Variants in CCDC38 observed in about 807,000 individuals in gnomAD.
CCDC38 encodes coiled-coil domain containing 38.
A neutral mutation model predicts 72.8 loss-of-function variants in CCDC38; 69 were observed. That is an observed-to-expected ratio of 0.95 (90% confidence interval 0.78 to 1.16). The LOEUF (loss-of-function observed/expected upper bound fraction) is 1.16, where lower values mean the gene tolerates loss of function less well. Among genes scored for constraint, CCDC38 ranks in the 50% most tolerant of loss-of-function variants. The pLI is 0.00. For missense variants in CCDC38, 626 were observed against 638.9 expected (o/e 0.98, Z 0.22); for synonymous variants, 201 against 213.2 (o/e 0.94, Z 0.50).
At chr12:95,897,982 G>C (rs1259347542) in intron 7 of CCDC38, among the ~76,000 whole-genome samples, 1 of 152,054 alleles carries the variant, frequency 6.6e-6, no homozygotes, top group Non-Finnish European at 1.5e-5. Context: ...CGTAGAATGA[G>C]TCCCAATTTC....
chr12:95,892,710 C>T (rs1159864234), intron 8 of CCDC38, among the ~76,000 whole-genome samples: 17 of 151,510 alleles, frequency 1.1e-4, no homozygotes, highest in Admixed American at 9.9e-4. Flanking sequence ...GTTGGGATTA[C>T]AGGCATGCGC....
At chr12:95,904,894 A>G (rs541081926) in intron 5 of CCDC38, among the ~76,000 whole-genome samples, 4 of 152,208 alleles carry the variant, frequency 2.6e-5, no homozygotes, top group Non-Finnish European at 5.9e-5. Flanking sequence ...GGAAGTCAAG[A>G]GCAAAGGCCA....
At chr12:95,873,561 G>A (rs2079604401) in intron 13 of CCDC38, among the ~76,000 whole-genome samples, 2 of 152,172 alleles carry the variant, frequency 1.3e-5, no homozygotes, top group African/African-American at 2.4e-5. Flanking sequence ...TCTCAGGACC[G>A]TAAGAAAATT....
At chr12:95,930,104 C>T (rs1013118516) in intron 2 of CCDC38, among the ~76,000 whole-genome samples, 6 of 152,106 alleles carry the variant, frequency 3.9e-5, no homozygotes, top group African/African-American at 1.4e-4. Flanking sequence ...TCCCAGTTTC[C>T]AGAGGTTAGA....
intron 4 of CCDC38, among the ~76,000 whole-genome samples, chr12:95,910,640 T>C (rs924113085): frequency 2.6e-5 from 4 of 152,192 alleles, no homozygotes; most frequent in African/African-American, 9.7e-5. Context: ...GGTGGGAGGA[T>C]TGCTTGAGGC....
intron 8 of CCDC38, among the ~76,000 whole-genome samples, chr12:95,892,278 CTTT>C (rs774500212): frequency 1.3e-5 from 1 of 75,978 alleles, no homozygotes. Flanking sequence ...TTATTACAAT[CTTT>C]TTTTTTTTTT....
At chr12:95,940,351 T>C (rs1011604354) in intron 1 of CCDC38, among the ~76,000 whole-genome samples, 2 of 152,170 alleles carry the variant, frequency 1.3e-5, no homozygotes, top group African/African-American at 4.8e-5. Context: ...TGGGATTTGA[T>C]AAGGCCCAGT....
chr12:95,893,260 C>A (rs575288828), intron 8 of CCDC38, among the ~76,000 whole-genome samples: 29 of 148,498 alleles, frequency 2.0e-4, no homozygotes, highest in African/African-American at 7.3e-4. Context: ...TTGTTGTTTT[C>A]TTAGACTTAA....
chr12:95,890,908 GT>G lies in CCDC38; in HGVS notation c.794del (p.Asn265ThrfsTer33). On this transcript the variant is annotated frameshift_variant, in exon 9 of 16. Coordinates refer to ENST00000344280, the MANE Select transcript of CCDC38 (RefSeq NM_182496.3). LOFTEE classifies it high-confidence loss of function. ...CGGACTCCTCAAGGATGCCTTCCTT[GT>G]TACTTGAATGTAATGATAATTCTAG... ...ILAKLSLHSSNKEGILEESGR... is the reference protein window; with the variant it reads ...ILAKLSLHSSXKEGILEESGR... 6.3e-7 allele frequency: 1 copy of G among 1,597,054 alleles called. No homozygotes were observed. Among genetic ancestry groups the G allele is most frequent in the Non-Finnish European group, 8.6e-7 (1 of 1,167,772 alleles).
intron 8 of CCDC38, among the ~76,000 whole-genome samples, chr12:95,892,278 CTTTTT>C (rs774500212): frequency 3.9e-5 from 3 of 76,010 alleles, no homozygotes; most frequent in African/African-American, 1.8e-4. Flanking sequence ...TTATTACAAT[CTTTTT>C]TTTTTTTTTT....
chr12:95,898,053 T>C (rs1170513744), intron 7 of CCDC38, among the ~76,000 whole-genome samples: 1 of 152,186 alleles, frequency 6.6e-6, no homozygotes. Context: ...GCAACCAGAC[T>C]AAACTAAAAA....
At chr12:95,918,805 T>C in intron 3 of CCDC38, 71 bp downstream of exon 3, 1 of 1,053,754 alleles carries the variant, frequency 9.5e-7, no homozygotes, top group Non-Finnish European at 1.5e-6. Flanking sequence ...CCCAGCAAAG[T>C]TCATAAGAGC....
chr12:95,920,556 A>T (rs142360221), intron 2 of CCDC38, among the ~76,000 whole-genome samples: 3 of 152,358 alleles, frequency 2.0e-5, no homozygotes, highest in Non-Finnish European at 4.4e-5. Flanking sequence ...ATGCTACAAC[A>T]TGGATGAACA....
intron 4 of CCDC38, among the ~76,000 whole-genome samples, chr12:95,915,756 A>G (rs1354070076): frequency 1.3e-5 from 2 of 152,216 alleles, no homozygotes; most frequent in Admixed American, 1.3e-4. Context: ...GCAGAAACTG[A>G]CAATCTGGTT....
At chr12:95,927,787 T>C (rs1386982913) in intron 2 of CCDC38, among the ~76,000 whole-genome samples, 2 of 150,780 alleles carry the variant, frequency 1.3e-5, no homozygotes, top group Non-Finnish European at 3.0e-5. Context: ...TTATTTCTCC[T>C]TCACTTACGA....
At chr12:95,903,339 A>G (rs2079968977) in intron 5 of CCDC38, 1 of 662,444 alleles carries the variant, frequency 1.5e-6, no homozygotes, top group Non-Finnish European at 2.7e-6. Context: ...GTAAATAAAG[A>G]CAGCTTTAAT....
intron 5 of CCDC38, chr12:95,903,508 T>A (rs2121486720): frequency 1.4e-6 from 1 of 698,316 alleles, no homozygotes; most frequent in East Asian, 2.7e-5. Context: ...ATTAGATATG[T>A]AATGTTAGTG....
chr12:95,923,697 C>A (rs1052677278), intron 2 of CCDC38, among the ~76,000 whole-genome samples: 6 of 152,010 alleles, frequency 3.9e-5, no homozygotes, highest in Non-Finnish European at 7.4e-5. Flanking sequence ...CCCCACTCCC[C>A]CCACTCCACA....
rs140065939 is a variant in CCDC38, at chr12:95,883,284, T to C, written c.921-1730A>G. ...TAAAGTGCAAATAGGATTGGGTCTC[T>C]GTCACACTCTTGTTTAAAACATACA... is the stretch of plus-strand genomic sequence containing the variant. On this transcript the variant is annotated intron_variant, in intron 10 of 15. Coordinates refer to ENST00000344280, the MANE Select transcript of CCDC38 (RefSeq NM_182496.3). Among the ~76,000 whole-genome samples, 832 of 152,324 alleles carry C rather than the reference T, an allele frequency of 5.5e-3. 7 individuals carry two copies. Among genetic ancestry groups the C allele is most frequent in the African/African-American group, 0.019 (785 of 41,554 alleles).
Sources: gnomAD v4.1 joint callset for allele counts (sites outside exome capture counted in the v4.1 genomes callset) on GRCh38, gnomAD v4.1.1 for gene constraint, MANE v1.5 for transcripts, NCBI Gene and HGNC (gene_info 2026-07-23, HGNC 2026-07-21) for gene names.